The following PRCD variants were observed in gnomAD, a reference collection of about 807,000 sequenced individuals.
The protein encoded by PRCD is photoreceptor disc component.
PRCD carries 12 observed loss-of-function variants against 10.1 expected under a neutral mutation model. That is an observed-to-expected ratio of 1.18 (90% CI 0.76 to 1.92). The LOEUF (loss-of-function observed/expected upper bound fraction) is 1.92. PRCD is among the 40% of genes most tolerant of loss of function. The pLI is 0.00. For synonymous variants in PRCD, 31 were observed against 26.2 expected (o/e 1.18, Z -0.56); for missense variants, 61 against 72.2 (o/e 0.84, Z 0.56).
chr17:76,535,510 G>T (rs2074904466), upstream of PRCD, among the ~76,000 whole-genome samples: 1 of 152,184 alleles, frequency 6.6e-6, no homozygotes, highest in Non-Finnish European at 1.5e-5. Flanking sequence ...GGCTGGCAGG[G>T]AGTGGCTGAG....
chr17:76,534,841 C>G (rs1462473195), intron 1 of PRCD, among the ~76,000 whole-genome samples: 1 of 152,218 alleles, frequency 6.6e-6, no homozygotes, highest in Non-Finnish European at 1.5e-5. Flanking sequence ...GAGTCCCCAC[C>G]CAGACCCTCC....
Position 76,540,654 on chromosome 17 carries a change from TGCCTGTGCGC to T in PRCD, c.143+91_143+100del, listed in dbSNP as rs1230473854. 4.3e-6 allele frequency: 6 copies of T among 1,403,052 alleles called. No homozygotes were observed. The highest frequency in any genetic ancestry group is 3.5e-5 in the South Asian group (3 of 85,066). 86.9% of individuals were successfully genotyped at this position (1,403,052 alleles called of 1,614,324 possible). A position where few individuals can be genotyped will look rare whatever the true frequency, so the allele number is the denominator to read the frequency against. ...GTGCATGCCTGGGGGTGCACGTGTG[TGCCTGTGCGC>T]GCCTGTGCGTGCACCGTATCCTGGC... On this transcript the variant is annotated intron_variant, in intron 2 of 4. Transcript: ENST00000592014. This position sits in a 1 kb window ranked among gnomAD's most constrained non-coding sequence, Gnocchi z 5.0.
In PRCD at chr17:76,540,796, G is replaced by T. The variant is rs906619549; in HGVS notation, c.143+223G>T. Reference sequence around the variant, plus strand: ...CAGCTCGCTCCTCTGGACCAAAGCCGCTGTGCCTCTCATCTCCAGCACGGG... The same window carrying T: ...CAGCTCGCTCCTCTGGACCAAAGCCTCTGTGCCTCTCATCTCCAGCACGGG... On this transcript the variant is annotated intron_variant, in intron 2 of 4. Transcript: ENST00000592014. This position sits in a 1 kb window ranked among gnomAD's most constrained non-coding sequence, Gnocchi z 5.0. Among the ~76,000 whole-genome samples, 1 of 152,244 alleles carries T rather than the reference G, an allele frequency of 6.6e-6. No individual in the cohort carries two copies. Among genetic ancestry groups the T allele is most frequent in the Admixed American group, 6.5e-5 (1 of 15,290 alleles).
Position 76,528,697 on chromosome 17 carries a change from C to G in PRCD, n.45+864C>G. The G allele has an allele frequency of 1.7e-6, 2 of 1,191,012 alleles. No individual in the cohort carries two copies. The highest frequency in any genetic ancestry group is 3.2e-5 in the East Asian group (1 of 31,390). 73.8% of individuals were successfully genotyped at this position (1,191,012 alleles called of 1,614,324 possible). A position where few individuals can be genotyped will look rare whatever the true frequency, so the allele number is the denominator to read the frequency against. ...GGAAAGGGGGAGGACCTGGGGCTGG[C>G]GAGGCTCACTTCCTGCCAAGAGATC... On this transcript the variant is annotated intron_variant and non_coding_transcript_variant, in intron 1 of 4. Coordinates refer to the PRCD transcript ENST00000397633. The surrounding 1 kb of genome is among the most constrained non-coding windows in gnomAD (Gnocchi z 5.8).
At chr17:76,548,275 TACATACACACAGAGAG>T (rs2075075889), downstream of PRCD, among the ~76,000 whole-genome samples, 1 of 151,934 alleles carries the variant, frequency 6.6e-6, no homozygotes, top group South Asian at 2.1e-4. Flanking sequence ...CACATAAACA[TACATACACACAGAGAG>T]ACATACACAT....
downstream of PRCD, among the ~76,000 whole-genome samples, chr17:76,547,700 G>GAC (rs140351477): frequency 7.4e-4 from 100 of 136,024 alleles, no homozygotes; most frequent in African/African-American, 2.4e-3. Flanking sequence ...CACACACACA[G>GAC]ACACACACAC....
rs1038801107 is a variant in PRCD at position 76,540,667 on chromosome 17, C to T, written c.143+94C>T. 12 of 1,265,064 alleles carry T rather than the reference C, an allele frequency of 9.5e-6. No individual in the cohort carries two copies. The East Asian group carries it at 2.6e-4, about 28-fold the overall frequency. 78.4% of individuals were successfully genotyped at this position (1,265,064 alleles called of 1,614,324 possible). On this transcript the variant is annotated intron_variant, in intron 2 of 4. Coordinates refer to ENST00000592014, the MANE Select transcript of PRCD (RefSeq NM_001077620.3). The surrounding 1 kb of genome is among the most constrained non-coding windows in gnomAD (Gnocchi z 5.0). The stretch of plus-strand genomic sequence containing the variant: ...GGTGCACGTGTGTGCCTGTGCGCGC[C>T]TGTGCGTGCACCGTATCCTGGCCCT...
chr17:76,529,056 C>T (rs1172527475), intron 1 of PRCD: 8 of 373,570 alleles, frequency 2.1e-5, no homozygotes, highest in African/African-American at 4.0e-5. Flanking sequence ...CCCCCCCCCA[C>T]CCCCCACCCA....
At position 76,540,301 on chromosome 17, in the gene PRCD, G is replaced by A. The variant is rs2143143000; in HGVS notation, c.74+86G>A. The A allele has an allele frequency of 6.9e-7, 1 of 1,448,422 alleles. No homozygotes were observed. The allele number at this position is 1,448,422 out of a possible 1,614,324, so 89.7% of individuals were successfully genotyped here. ...CTGCCACCAAGCTGAAGGTGGGCAG[G>A]GGCTGCGTGAACCTTCAGCGGGGCT... On this transcript the variant is annotated intron_variant, in intron 1 of 4. Coordinates refer to ENST00000592014, the MANE Select transcript of PRCD (RefSeq NM_001077620.3). This position sits in a 1 kb window ranked among gnomAD's most constrained non-coding sequence, Gnocchi z 5.0.
Position 76,540,235 on chromosome 17 carries a change from A to G in PRCD, c.74+20A>G. 2.3e-6 allele frequency: 1 copy of G among 435,070 alleles called. No homozygotes were observed. The highest frequency in any genetic ancestry group is 3.5e-5 in the African/African-American group (1 of 28,386). The allele number at this position is 435,070 out of a possible 1,614,324, so 27.0% of individuals were successfully genotyped here. On this transcript the variant is annotated intron_variant, in intron 1 of 4. Transcript: ENST00000592014. This position sits in a 1 kb window ranked among gnomAD's most constrained non-coding sequence, Gnocchi z 5.0. Reference sequence around the variant, plus strand: ...CCAACCGTGAGAAACTGACCGGGCTATGGCTGGCGGTTGGTCGGGGGGGGG... The same window carrying G: ...CCAACCGTGAGAAACTGACCGGGCTGTGGCTGGCGGTTGGTCGGGGGGGGG...
At chr17:76,552,309 C>G (rs1185127301) in intron 1 of PRCD, 1 of 152,020 alleles carries the variant, frequency 6.6e-6, no homozygotes, top group Non-Finnish European at 1.5e-5. Flanking sequence ...ATTCTCCTGC[C>G]TCAGCCTCCT....
In PRCD at chr17:76,545,065, G is replaced by C; in HGVS notation, c.*1415G>C. ...GGGTGCCATGTGGGCCGGGTGGGGG[G>C]GCTGTCTCCCCCAGGGAGCAGGCTG... is the stretch of plus-strand genomic sequence containing the variant. On this transcript the variant is annotated 3_prime_UTR_variant, in exon 5 of 5. Coordinates refer to ENST00000592014, the MANE Select transcript of PRCD (RefSeq NM_001077620.3). 1 of 451,556 alleles carries C rather than the reference G, an allele frequency of 2.2e-6. No homozygotes were observed. The highest frequency in any genetic ancestry group is 4.5e-6 in the Non-Finnish European group (1 of 223,968). 28.0% of individuals were successfully genotyped at this position (451,556 alleles called of 1,614,324 possible).
chr17:76,540,334 C>A lies in PRCD; in HGVS notation c.74+119C>A. 1.5e-6 allele frequency: 2 copies of A among 1,320,004 alleles called. No individual in the cohort carries two copies. The highest frequency in any genetic ancestry group is 2.1e-6 in the Non-Finnish European group (2 of 937,188). The allele number at this position is 1,320,004 out of a possible 1,614,324, so 81.8% of individuals were successfully genotyped here. A position where few individuals can be genotyped will look rare whatever the true frequency, so the allele number is the denominator to read the frequency against. ...TGAACCTTCAGCGGGGCTGGGAGGG[C>A]ATTTTGAGGAACCCTTGAGAGAGCA... is the stretch of plus-strand genomic sequence containing the variant. On this transcript the variant is annotated intron_variant, in intron 1 of 4. Transcript: ENST00000592014. The surrounding 1 kb of genome is among the most constrained non-coding windows in gnomAD (Gnocchi z 5.0).
At position 76,528,507 on chromosome 17, in the gene PRCD, G is replaced by T; in HGVS notation, n.45+674G>T. 2 of 1,219,648 alleles carry T rather than the reference G, an allele frequency of 1.6e-6. No individual in the cohort carries two copies. Among genetic ancestry groups the T allele is most frequent in the South Asian group, 3.0e-5 (1 of 33,194 alleles). 75.6% of individuals were successfully genotyped at this position (1,219,648 alleles called of 1,614,324 possible). A position where few individuals can be genotyped will look rare whatever the true frequency, so the allele number is the denominator to read the frequency against. On this transcript the variant is annotated intron_variant and non_coding_transcript_variant, in intron 1 of 4. Transcript: ENST00000397633. This position sits in a 1 kb window ranked among gnomAD's most constrained non-coding sequence, Gnocchi z 5.8. ...CTTCCTTGGCACCCAGAAATGGAGC[G>T]TCAAGGAGGGTCTTCAGAACTCGGC...
At chr17:76,548,291 GACATAC>G (rs1254327509), downstream of PRCD, among the ~76,000 whole-genome samples, 2 of 152,116 alleles carry the variant, frequency 1.3e-5, no homozygotes, top group Non-Finnish European at 2.9e-5. Flanking sequence ...CACACAGAGA[GACATAC>G]ACATACACAA....
Position 76,531,077 on chromosome 17 carries a change from C to T in PRCD, n.45+3244C>T, listed in dbSNP as rs377291088. 3.6e-5 allele frequency: 58 copies of T among 1,613,620 alleles called. No homozygotes were observed. The highest frequency in any genetic ancestry group is 6.7e-5 in the Admixed American group (4 of 59,992). ...CACGCAGCTTGGCCCAGGCTCTCTG[C>T]GTCTCAGGTGGGAAGTCACTGGCAA... On this transcript the variant is annotated intron_variant and non_coding_transcript_variant, in intron 1 of 4. Transcript: ENST00000397633. This position sits in a 1 kb window ranked among gnomAD's most constrained non-coding sequence, Gnocchi z 7.4.
At chr17:76,548,446 G>T (rs2075077633), downstream of PRCD, among the ~76,000 whole-genome samples, 2 of 152,240 alleles carry the variant, frequency 1.3e-5, no homozygotes, top group African/African-American at 4.8e-5. Flanking sequence ...GGTGTCAGGA[G>T]TGACACTCGA....
At chr17:76,548,474 C>G, downstream of PRCD, among the ~76,000 whole-genome samples, 1 of 152,214 alleles carries the variant, frequency 6.6e-6, no homozygotes, top group East Asian at 1.9e-4. Flanking sequence ...CAGACCCTGC[C>G]CTGCTGGTTG....
chr17:76,540,250 T>TGGGGGGGGG lies in PRCD; in HGVS notation c.74+35_74+36insGGGGGGGGG. 4.3e-6 allele frequency: 2 copies of TGGGGGGGGG among 463,682 alleles called. No homozygotes were observed. Among genetic ancestry groups the TGGGGGGGGG allele is most frequent in the Non-Finnish European group, 3.6e-6 (1 of 276,418 alleles). The allele number at this position is 463,682 out of a possible 1,614,324, so 28.7% of individuals were successfully genotyped here. On this transcript the variant is annotated intron_variant, in intron 1 of 4. Transcript: ENST00000592014. The surrounding 1 kb of genome is among the most constrained non-coding windows in gnomAD (Gnocchi z 5.0). Reference sequence around the variant, plus strand: ...TGACCGGGCTATGGCTGGCGGTTGGTCGGGGGGGGGGGGCATGGGGCTGGG... The same window carrying TGGGGGGGGG: ...TGACCGGGCTATGGCTGGCGGTTGGTGGGGGGGGGCGGGGGGGGGGGGCATGGGGCTGGG...
Sources: allele counts gnomAD v4.1 joint callset (sites outside exome capture counted in the v4.1 genomes callset), GRCh38; gene constraint gnomAD v4.1.1; non-coding constraint Gnocchi (gnomAD v3.1); transcripts MANE v1.5; gene names NCBI Gene and HGNC (gene_info 2026-07-23, HGNC 2026-07-21).